Variants in PTPRR observed in about 807,000 individuals in gnomAD.
The protein encoded by PTPRR is receptor-type tyrosine-protein phosphatase R.
In PTPRR, 38 loss-of-function variants were observed where a neutral mutation model predicts 77.2. The observed-to-expected ratio is 0.49, with a 90% confidence interval of 0.38 to 0.65. The LOEUF is 0.65. Among genes scored for constraint, PTPRR ranks in the 30% least tolerant of loss-of-function variants. The pLI is 0.00. For synonymous variants in PTPRR, 299 were observed against 283.1 expected (o/e 1.06, Z -0.57); for missense variants, 744 against 799.2 (o/e 0.93, Z 0.83).
chr12:70,911,162 A>G (rs1034402473), intron 1 of PTPRR, among the ~76,000 whole-genome samples: 1 of 152,128 alleles, frequency 6.6e-6, no homozygotes, highest in Admixed American at 6.5e-5. Flanking sequence ...ATCCCTTTAC[A>G]TTCAAACACC....
At chr12:70,877,838 GACTTCAAACTAT>G (rs1199000147) in intron 2 of PTPRR, among the ~76,000 whole-genome samples, 2 of 152,102 alleles carry the variant, frequency 1.3e-5, no homozygotes, top group Non-Finnish European at 2.9e-5. Flanking sequence ...CACACTACCT[GACTTCAAACTAT>G]ACTACAAGGC....
Position 70,639,237 on chromosome 12 carries a change from G to A in PTPRR, c.1921C>T (p.His641Tyr), listed in dbSNP as rs769043209. The change falls in exon 14 of 14, where the codon CAC (histidine) becomes TAC (tyrosine). Residue 641 changes from histidine to tyrosine, a missense_variant. Physicochemically the swap from His to Tyr is moderately conservative, Grantham distance 83. Coordinates refer to ENST00000283228, the MANE Select transcript of PTPRR (RefSeq NM_002849.4). Reference protein sequence around the residue: ...VQTSEQYEFVHHALCLYESRL... With the variant: ...VQTSEQYEFVYHALCLYESRL... ...CTCTCATACAGGCACAGAGCATGGT[G>A]CACAAATTCATACTGCTCACTGGTT... The A allele has an allele frequency of 1.2e-5, 19 of 1,613,548 alleles. No homozygotes were observed. In the Admixed American group the frequency reaches 3.2e-4, roughly 27 times the overall value.
At chr12:70,648,705 C>T (rs1412635426) in intron 13 of PTPRR, among the ~76,000 whole-genome samples, 6 of 151,972 alleles carry the variant, frequency 3.9e-5, no homozygotes, top group African/African-American at 7.3e-5. Flanking sequence ...CAGAGATGTC[C>T]GGCACCTCAT....
intron 2 of PTPRR, among the ~76,000 whole-genome samples, chr12:70,782,763 C>T (rs1028408334): frequency 1.3e-5 from 2 of 151,924 alleles, no homozygotes; most frequent in African/African-American, 4.8e-5. Flanking sequence ...GTGCAGCACA[C>T]CAACATGGCA....
chr12:70,800,228 T>C (rs979338144), intron 2 of PTPRR, among the ~76,000 whole-genome samples: 2 of 150,964 alleles, frequency 1.3e-5, no homozygotes, highest in South Asian at 4.2e-4. Context: ...CTAAACCCTT[T>C]CCCCCCTACC....
At chr12:70,692,187 T>C (rs1383989973) in intron 8 of PTPRR, among the ~76,000 whole-genome samples, 1 of 152,214 alleles carries the variant, frequency 6.6e-6, no homozygotes, top group Non-Finnish European at 1.5e-5. Flanking sequence ...AAGAAGGTAT[T>C]GTATATAATC....
chr12:70,878,308 C>G (rs1277853110), intron 2 of PTPRR, among the ~76,000 whole-genome samples: 1 of 152,138 alleles, frequency 6.6e-6, no homozygotes, highest in Non-Finnish European at 1.5e-5. Flanking sequence ...TCAGAGTGAA[C>G]AGGCAACCTT....
In PTPRR at chr12:70,881,631, G is replaced by T. The variant is rs573033782; in HGVS notation, c.357+11048C>A. ...TCTCTTGACTTTGCTAGACTCAAAGGGTCCAAATATGTCACCTAGTAAGGA... is the reference window on the plus strand; with the variant it reads ...TCTCTTGACTTTGCTAGACTCAAAGTGTCCAAATATGTCACCTAGTAAGGA... On this transcript the variant is annotated intron_variant, in intron 2 of 13. Transcript: ENST00000283228. 9.2e-5 allele frequency among the ~76,000 whole-genome samples: 14 copies of T among 152,178 alleles called. No individual in the cohort carries two copies. The South Asian group carries it at 2.9e-3, about 32-fold the overall frequency.
intron 13 of PTPRR, among the ~76,000 whole-genome samples, chr12:70,655,262 G>A (rs1189354617): frequency 6.6e-6 from 1 of 152,174 alleles, no homozygotes; most frequent in African/African-American, 2.4e-5. Context: ...GTGAAGTTGT[G>A]GAGAAACTGG....
chr12:70,771,400 A>G (rs1002599185), intron 2 of PTPRR, among the ~76,000 whole-genome samples: 9 of 151,906 alleles, frequency 5.9e-5, no homozygotes, highest in African/African-American at 2.2e-4. Flanking sequence ...CTGCTAGAGG[A>G]GAGAGGGAGG....
At chr12:70,875,658 C>G (rs1173365053) in intron 2 of PTPRR, among the ~76,000 whole-genome samples, 1 of 143,494 alleles carries the variant, frequency 7.0e-6, no homozygotes, top group Non-Finnish European at 1.5e-5. Context: ...AAAAAAAAGA[C>G]AGGGTCACAA....
At chr12:70,860,160 T>C (rs921918581) in intron 2 of PTPRR, among the ~76,000 whole-genome samples, 1 of 152,134 alleles carries the variant, frequency 6.6e-6, no homozygotes, top group African/African-American at 2.4e-5. Flanking sequence ...CTCTTTTGGA[T>C]TCCACAAGGC....
At chr12:70,870,812 A>G (rs1485968143) in intron 2 of PTPRR, among the ~76,000 whole-genome samples, 2 of 152,224 alleles carry the variant, frequency 1.3e-5, no homozygotes, top group Non-Finnish European at 2.9e-5. Context: ...ATGCACAGTA[A>G]CATTTTGACC....
At chr12:70,657,028 G>C (rs1406244687) in intron 12 of PTPRR, among the ~76,000 whole-genome samples, 2 of 150,308 alleles carry the variant, frequency 1.3e-5, no homozygotes, top group East Asian at 3.9e-4. Flanking sequence ...GGGAAGTGGT[G>C]AGTTGGGGGA....
intron 2 of PTPRR, among the ~76,000 whole-genome samples, chr12:70,888,294 A>G (rs1207472236): frequency 6.6e-6 from 1 of 152,102 alleles, no homozygotes; most frequent in Non-Finnish European, 1.5e-5. Context: ...CACTATCATG[A>G]TATCTTTTGA....
chr12:70,756,280 G>A (rs1247116726), intron 4 of PTPRR, among the ~76,000 whole-genome samples: 2 of 141,352 alleles, frequency 1.4e-5, no homozygotes, highest in Non-Finnish European at 3.1e-5. Flanking sequence ...CTCCCAGTTA[G>A]AAAGACACGT....
Position 70,701,182 on chromosome 12 carries a change from C to T in PTPRR, c.1149G>A (p.Leu383=). The T allele has an allele frequency of 6.2e-7, 1 of 1,613,970 alleles. No homozygotes were observed. Among genetic ancestry groups the T allele is most frequent in the East Asian group, 2.2e-5 (1 of 44,864 alleles). The change falls in exon 7 of 14, where the codon CTG becomes CTA. Residue 383 remains leucine (L), a synonymous_variant. Coordinates refer to ENST00000283228, the MANE Select transcript of PTPRR (RefSeq NM_002849.4). ...AATGTGAACTTGCCACGACGTCCCT[C>T]AGCTGAGACCTTGTGAGAATTCGGC... ...SASRILTRSQ[L]RDVVASSHLL... is the part of the protein sequence containing the mutation.
intron 11 of PTPRR, 177 bp from the exon 12 acceptor site, chr12:70,661,274 C>A (rs987352360): frequency 1.9e-5 from 14 of 748,208 alleles, no homozygotes; most frequent in Admixed American, 4.1e-5. Flanking sequence ...ACTTTACTGT[C>A]AGTAACCTGT....
In PTPRR at chr12:70,867,768, G is replaced by A. The variant is rs572096715; in HGVS notation, c.357+24911C>T. Among the ~76,000 whole-genome samples, 427 of 152,142 alleles carry A rather than the reference G, an allele frequency of 2.8e-3. 4 individuals carry two copies. The highest frequency in any genetic ancestry group is 4.0e-3 in the Non-Finnish European group (275 of 67,994). ...AGAAGAACAAAACTAGAGGCATCAC[G>A]CTACCTGACTTCAAACTATACTACA... On this transcript the variant is annotated intron_variant, in intron 2 of 13. Transcript: ENST00000283228.
Sources: gnomAD v4.1 joint callset for allele counts (sites outside exome capture counted in the v4.1 genomes callset) on GRCh38, gnomAD v4.1.1 for gene constraint, MANE v1.5 for transcripts, NCBI Gene and HGNC (gene_info 2026-07-23, HGNC 2026-07-21) for gene names.